Variants in SIK3 observed in about 807,000 individuals in gnomAD.
SIK3 encodes SIK family kinase 3, also known as serine/threonine-protein kinase SIK3.
Under a neutral mutation model 144.2 loss-of-function variants are expected in SIK3, and 28 were observed. The ratio of observed to expected loss-of-function variants is 0.19; its 90% confidence interval spans 0.14 to 0.27. SIK3 has a LOEUF of 0.27. SIK3 is among the 10% of genes least tolerant of loss of function. The pLI, the probability that SIK3 is intolerant of heterozygous loss-of-function variation, is 1.00. For synonymous variants in SIK3, 686 were observed against 676.3 expected, an observed-to-expected ratio of 1.01 and a Z score of -0.22; for missense variants, 1,319 against 1,776.0, an observed-to-expected ratio of 0.74 and a Z score of 4.62.
At position 116,852,167 on chromosome 11, in the gene SIK3, G is replaced by C. The variant is rs373016345; in HGVS notation, c.3656-2884C>G. Among the ~76,000 whole-genome samples, 19 of 152,276 alleles carry C rather than the reference G, an allele frequency of 1.2e-4. No homozygotes were observed. The South Asian group carries it at 3.7e-3, about 30-fold the overall frequency. ...GGTTGGAGCCTTCCTGCCTCTTCTG[G>C]AGGCCTCAGTGTTTTGGTTTGTTTG... On this transcript the variant is annotated intron_variant, in intron 21 of 24. Coordinates refer to ENST00000445177, the MANE Select transcript of SIK3 (RefSeq NM_001366686.3).
At chr11:116,869,899 C>T in intron 14 of SIK3, 2 of 361,256 alleles carry the variant, frequency 5.5e-6, no homozygotes, top group Admixed American at 3.8e-5. Context: ...AAGAGGTATT[C>T]ATTCTCCTGG....
chr11:116,875,090 T>G, intron 11 of SIK3, 68 bp downstream of exon 11: 2 of 1,232,556 alleles, frequency 1.6e-6, no homozygotes, highest in Non-Finnish European at 2.4e-6. Context: ...TGTGCCATGG[T>G]AGACACTGAA....
intron 19 of SIK3, 64 bp downstream of exon 19, chr11:116,861,210 T>C: frequency 7.9e-7 from 1 of 1,267,970 alleles, no homozygotes; most frequent in Non-Finnish European, 1.1e-6. Flanking sequence ...TGCTCAAAAC[T>C]GAGACCATCA....
chr11:116,990,529 A>ACT (rs1950467916), intron 1 of SIK3, among the ~76,000 whole-genome samples: 1 of 152,216 alleles, frequency 6.6e-6, no homozygotes, highest in Admixed American at 6.5e-5. Flanking sequence ...CTTTATTGGC[A>ACT]GTATATTGAA....
rs117091722 is a variant in SIK3, at chr11:117,056,884, G to A, written c.273+41259C>T. Among the ~76,000 whole-genome samples, 485 of 152,274 alleles carry A rather than the reference G, an allele frequency of 3.2e-3. 7 individuals carry two copies. The East Asian group carries it at 0.051, about 16-fold the overall frequency. ...TTAAAAGTCCATCAATAGGGGAAAC[G>A]TGAAATAAAGTAATACACATCTATA... On this transcript the variant is annotated intron_variant, in intron 1 of 24. Coordinates refer to ENST00000445177, the MANE Select transcript of SIK3 (RefSeq NM_001366686.3).
At chr11:116,887,245 TAA>T (rs5795056) in intron 6 of SIK3, among the ~76,000 whole-genome samples, 11,587 of 103,528 alleles carry the variant, frequency 0.11, 768 homozygotes, top group African/African-American at 0.25. Context: ...GTCTCTACAC[TAA>T]AAAAAAAAAA....
intron 1 of SIK3, among the ~76,000 whole-genome samples, chr11:117,024,920 T>C (rs1307381184): frequency 6.6e-6 from 1 of 151,910 alleles, no homozygotes; most frequent in Non-Finnish European, 1.5e-5. Context: ...AAAAATCATC[T>C]AATGCAGTAG....
At chr11:117,060,323 G>A (rs1238351472) in intron 1 of SIK3, among the ~76,000 whole-genome samples, 3 of 152,302 alleles carry the variant, frequency 2.0e-5, no homozygotes, top group South Asian at 4.1e-4. Flanking sequence ...TTGGCCAGGC[G>A]AGGTGGCTCA....
chr11:117,074,101 TC>T (rs1490592138), intron 1 of SIK3, among the ~76,000 whole-genome samples: 1 of 152,140 alleles, frequency 6.6e-6, no homozygotes, highest in Non-Finnish European at 1.5e-5. Flanking sequence ...GCTCTGACAG[TC>T]CCCAGCTTCT....
intron 6 of SIK3, among the ~76,000 whole-genome samples, chr11:116,893,235 A>G (rs2134726805): frequency 6.6e-6 from 1 of 152,304 alleles, no homozygotes. Flanking sequence ...ATGCATGTTC[A>G]TTGATTGTAA....
At chr11:117,002,231 A>G (rs989331938) in intron 1 of SIK3, among the ~76,000 whole-genome samples, 12 of 152,240 alleles carry the variant, frequency 7.9e-5, no homozygotes, top group African/African-American at 2.7e-4. Flanking sequence ...GCGTCCCAGG[A>G]CGGCTTTGAA....
At chr11:117,071,782 A>ATTTT (rs57735255) in intron 1 of SIK3, among the ~76,000 whole-genome samples, 35 of 105,616 alleles carry the variant, frequency 3.3e-4, no homozygotes, top group African/African-American at 1.2e-3. Flanking sequence ...TGCTTGGTTA[A>ATTTT]TTTTTTTTTT....
Position 116,891,772 on chromosome 11 carries a change from T to C in SIK3, c.865+4481A>G, listed in dbSNP as rs143744306. Among the ~76,000 whole-genome samples, 98 of 152,262 alleles carry C rather than the reference T, an allele frequency of 6.4e-4. 1 individual carries two copies. The highest frequency in any genetic ancestry group is 2.1e-3 in the African/African-American group (87 of 41,560). On this transcript the variant is annotated intron_variant, in intron 6 of 24. Transcript: ENST00000445177. ...ATTAGTCATGTAGCAAAGTTGACAA[T>C]AGATTAGAGGGGGACAAGACTGGAG...
chr11:116,909,616 C>T (rs1225233232), intron 4 of SIK3, among the ~76,000 whole-genome samples: 1 of 152,152 alleles, frequency 6.6e-6, no homozygotes, highest in Non-Finnish European at 1.5e-5. Flanking sequence ...TATTTCTCGC[C>T]ACTTGGAACC....
chr11:116,920,766 C>T (rs764650213), intron 4 of SIK3, among the ~76,000 whole-genome samples: 1 of 152,140 alleles, frequency 6.6e-6, no homozygotes, highest in Non-Finnish European at 1.5e-5. Context: ...CTGGGGAGCA[C>T]CTGCTACAGA....
intron 4 of SIK3, among the ~76,000 whole-genome samples, chr11:116,897,840 G>A (rs550798305): frequency 2.6e-4 from 39 of 151,540 alleles, no homozygotes; most frequent in East Asian, 5.8e-4. Context: ...CCAAGATGGC[G>A]CCACTGCACT....
chr11:117,075,425 C>T (rs1954467814), intron 1 of SIK3, among the ~76,000 whole-genome samples: 1 of 152,216 alleles, frequency 6.6e-6, no homozygotes, highest in South Asian at 2.1e-4. Context: ...ATTACATTCC[C>T]TTCCATGATC....
At chr11:116,991,125 T>C (rs1241379609) in intron 1 of SIK3, among the ~76,000 whole-genome samples, 2 of 152,204 alleles carry the variant, frequency 1.3e-5, no homozygotes, top group East Asian at 3.9e-4. Context: ...AAGGATTTAA[T>C]ATCAGGCACT....
At chr11:116,939,166 T>G (rs1249556698) in intron 3 of SIK3, among the ~76,000 whole-genome samples, 2 of 152,194 alleles carry the variant, frequency 1.3e-5, no homozygotes, top group African/African-American at 2.4e-5. Context: ...GTTTTGTTTT[T>G]AAGACAAGTC....
Sources: allele counts gnomAD v4.1 joint callset (sites outside exome capture counted in the v4.1 genomes callset), GRCh38; gene constraint gnomAD v4.1.1; transcripts MANE v1.5; gene names NCBI Gene and HGNC (gene_info 2026-07-23, HGNC 2026-07-21).